Variants in FRMD3 observed in about 807,000 individuals in gnomAD.
FRMD3 encodes FERM domain-containing protein 3.
A neutral mutation model predicts 70.2 loss-of-function variants in FRMD3; 33 were observed. The ratio of observed to expected loss-of-function variants is 0.47; its 90% CI spans 0.36 to 0.63. The LOEUF (loss-of-function observed/expected upper bound fraction) is 0.63. Ranked by LOEUF, FRMD3 falls within the 20% of genes least tolerant of loss-of-function variation. FRMD3 has a pLI of 0.00. For missense variants in FRMD3, 632 were observed against 711.4 expected, an observed-to-expected ratio of 0.89 and a Z score of 1.27; for synonymous variants, 279 against 255.9, an observed-to-expected ratio of 1.09 and a Z score of -0.86.
chr9:83,477,752 A>G (rs1435169059), intron 1 of FRMD3, among the ~76,000 whole-genome samples: 1 of 152,070 alleles, frequency 6.6e-6, no homozygotes, highest in African/African-American at 2.4e-5. Context: ...TGACTAATTG[A>G]CTAATTGACT....
At chr9:83,571,071 C>A in the FRMD3 span, among the ~76,000 whole-genome samples, 1 of 152,138 alleles carries the variant, frequency 6.6e-6, no homozygotes, top group Admixed American at 6.5e-5. Flanking sequence ...GTCATTGAGG[C>A]TGGGGGGGAT....
At chr9:83,349,615 C>A in intron 4 of FRMD3, 64 bp downstream of exon 4, 1 of 1,232,558 alleles carries the variant, frequency 8.1e-7, no homozygotes, top group Non-Finnish European at 1.2e-6. Flanking sequence ...ATCTAGCCTG[C>A]AAGACCAAAG....
At chr9:83,337,255 G>A (rs976046576) in intron 5 of FRMD3, among the ~76,000 whole-genome samples, 5 of 152,054 alleles carry the variant, frequency 3.3e-5, no homozygotes, top group African/African-American at 4.8e-5. Context: ...CAGAGTCTAC[G>A]TTTCCCCACC....
intron 6 of FRMD3, among the ~76,000 whole-genome samples, chr9:83,333,946 C>T (rs1823485799): frequency 1.3e-5 from 2 of 152,124 alleles, no homozygotes; most frequent in African/African-American, 4.8e-5. Context: ...ACTTAAAGCT[C>T]TTAGCACAAT....
At chr9:83,574,305 C>T in the FRMD3 span, among the ~76,000 whole-genome samples, 1 of 152,154 alleles carries the variant, frequency 6.6e-6, no homozygotes, top group South Asian at 2.1e-4. Flanking sequence ...AACTTCTACC[C>T]TATATACAAA....
the FRMD3 span, among the ~76,000 whole-genome samples, chr9:83,543,636 T>C: frequency 2.0e-5 from 3 of 152,168 alleles, no homozygotes; most frequent in Non-Finnish European, 4.4e-5. Flanking sequence ...TGGGGCCAGC[T>C]GGACCCAGGA....
chr9:83,249,408 A>T (rs1563972272), intron 13 of FRMD3, among the ~76,000 whole-genome samples: 1 of 152,166 alleles, frequency 6.6e-6, no homozygotes, highest in Non-Finnish European at 1.5e-5. Flanking sequence ...TGAGTCTTGG[A>T]TCCATAGTGG....
At position 83,476,609 on chromosome 9, in the gene FRMD3, G is replaced by A. The variant is rs75225218; in HGVS notation, c.147+61476C>T. Among the ~76,000 whole-genome samples the A allele has an allele frequency of 3.7e-3, 570 of 152,266 alleles. 3 individuals carry two copies. The highest frequency in any genetic ancestry group is 6.4e-3 in the Non-Finnish European group (432 of 68,020). ...GAGGAGAGGCAGAAGTTGAGATCGGGTAGATAAAGCCAAGGAATGGCTGAG... is the reference window on the plus strand; with the variant it reads ...GAGGAGAGGCAGAAGTTGAGATCGGATAGATAAAGCCAAGGAATGGCTGAG... On this transcript the variant is annotated intron_variant, in intron 1 of 13. Coordinates refer to ENST00000304195, the MANE Select transcript of FRMD3 (RefSeq NM_174938.6).
At chr9:83,267,269 G>T in intron 13 of FRMD3, 1 of 1,491,544 alleles carries the variant, frequency 6.7e-7, no homozygotes, top group South Asian at 1.3e-5. Flanking sequence ...TTCCTAATGC[G>T]GCCAACAGAA....
At chr9:83,358,672 G>GTAGTTATT (rs1824484381) in intron 3 of FRMD3, among the ~76,000 whole-genome samples, 1 of 142,966 alleles carries the variant, frequency 7.0e-6, no homozygotes, top group African/African-American at 2.6e-5. Context: ...ATATTCTTAA[G>GTAGTTATT]TATTTATTTA....
intron 1 of FRMD3, among the ~76,000 whole-genome samples, chr9:83,488,402 C>A (rs1241094492): frequency 6.6e-6 from 1 of 152,196 alleles, no homozygotes; most frequent in African/African-American, 2.4e-5. Context: ...ATTTAGCCAT[C>A]TTTAAATGCA....
intron 1 of FRMD3, among the ~76,000 whole-genome samples, chr9:83,525,027 CTAAT>C (rs1469489181): frequency 6.6e-6 from 1 of 151,470 alleles, no homozygotes; most frequent in Non-Finnish European, 1.5e-5. Flanking sequence ...ATTAATAAGG[CTAAT>C]TAGTTACTGA....
At chr9:83,570,113 C>T in the FRMD3 span, among the ~76,000 whole-genome samples, 1 of 152,218 alleles carries the variant, frequency 6.6e-6, no homozygotes, top group Non-Finnish European at 1.5e-5. Flanking sequence ...CCTTCATTCA[C>T]TCATGCAACA....
At chr9:83,280,595 G>A (rs757328505) in intron 13 of FRMD3, among the ~76,000 whole-genome samples, 8 of 152,078 alleles carry the variant, frequency 5.3e-5, no homozygotes, top group East Asian at 1.9e-4. Context: ...TATCACCCCC[G>A]CCCCTTTTCG....
intron 2 of FRMD3, among the ~76,000 whole-genome samples, chr9:83,385,622 A>T (rs1321789418): frequency 6.6e-6 from 1 of 152,166 alleles, no homozygotes; most frequent in Non-Finnish European, 1.5e-5. Flanking sequence ...CCAGCCCCCA[A>T]GGCAAAGGTA....
At chr9:83,295,626 A>G (rs565319553) in intron 12 of FRMD3, among the ~76,000 whole-genome samples, 1 of 152,346 alleles carries the variant, frequency 6.6e-6, no homozygotes, top group South Asian at 2.1e-4. Context: ...GATTTACCCA[A>G]GGCCATACAG....
chr9:83,426,972 C>T (rs577046853), intron 1 of FRMD3, among the ~76,000 whole-genome samples: 36 of 152,250 alleles, frequency 2.4e-4, no homozygotes, highest in African/African-American at 8.4e-4. Flanking sequence ...AACTTATTTC[C>T]CCTTAATGAC....
intron 1 of FRMD3, among the ~76,000 whole-genome samples, chr9:83,441,737 C>T (rs1166732680): frequency 6.6e-6 from 1 of 152,168 alleles, no homozygotes; most frequent in Non-Finnish European, 1.5e-5. Flanking sequence ...AAAACAAACA[C>T]ACACATTAAC....
Position 83,343,227 on chromosome 9 carries a change from A to G in FRMD3, c.435T>C (p.Phe145=), listed in dbSNP as rs777524584. Residue 145 remains phenylalanine (F), a synonymous_variant, in exon 5 of 14, where the codon TTT becomes TTC. Coordinates refer to ENST00000304195, the MANE Select transcript of FRMD3 (RefSeq NM_174938.6). ...AGGCACCCAGGTAGGCAGCATCAGA[A>G]AAGGAGCACAGCAGGCGGCCATGAA... The part of the protein sequence containing the change: ...DIFHGRLLCS[F]SDAAYLGACI... 1 of 1,614,066 alleles carries G rather than the reference A, an allele frequency of 6.2e-7. No individual in the cohort carries two copies. Among genetic ancestry groups the G allele is most frequent in the South Asian group, 1.1e-5 (1 of 91,074 alleles).
Sources: allele counts gnomAD v4.1 joint callset (sites outside exome capture counted in the v4.1 genomes callset), GRCh38; gene constraint gnomAD v4.1.1; transcripts MANE v1.5; gene names NCBI Gene and HGNC (gene_info 2026-07-23, HGNC 2026-07-21).